The following HARS1 variants were observed in gnomAD, a reference collection of about 807,000 sequenced individuals.
HARS1 encodes the protein histidyl-tRNA synthetase 1, also known as histidine--tRNA ligase, cytoplasmic.
Under a neutral mutation model 63.6 loss-of-function variants are expected in HARS1, and 45 were observed. The observed-to-expected ratio is 0.71, with a 90% CI of 0.56 to 0.91. The LOEUF is 0.91. Among genes scored for constraint, HARS1 ranks in the 40% least tolerant of loss-of-function variants. The probability of loss-of-function intolerance (pLI) is 0.00; values close to 1 mark genes in which losing one functional copy is unlikely to be tolerated. For missense variants in HARS1, 508 were observed against 643.2 expected (o/e 0.79, Z 2.27); for synonymous variants, 205 against 247.1 (o/e 0.83, Z 1.60).
At chr5:140,680,242 G>T (rs999395493) in intron 3 of HARS1, among the ~76,000 whole-genome samples, 2 of 151,994 alleles carry the variant, frequency 1.3e-5, no homozygotes, top group South Asian at 4.2e-4. Flanking sequence ...TGACTCCGGG[G>T]TTCAAGAGAT....
rs771009808 is a variant in HARS1, at chr5:140,676,814, G to T, written c.1034C>A (p.Ala345Asp). 6 of 1,614,248 alleles carry T rather than the reference G, an allele frequency of 3.7e-6. No individual in the cohort carries two copies. Among genetic ancestry groups the T allele is most frequent in the Non-Finnish European group, 5.1e-6 (6 of 1,180,036 alleles). ...ACCCAGGGGCTCTTCCCCTGCCTGG[G>T]CTGGGGTCTGTAGCAGCACTGCCTC... The part of the protein sequence containing the change: ...IYEAVLLQTP[A>D]QAGEEPLGVG... Residue 345 changes from alanine to aspartate, a missense_variant, in exon 10 of 13, where the codon GCC becomes GAC. Coordinates refer to ENST00000504156, the MANE Select transcript of HARS1 (RefSeq NM_002109.6). The surrounding 1 kb of genome is among the most constrained non-coding windows in gnomAD (Gnocchi z 4.1).
rs1131034 is a variant in HARS1, at chr5:140,677,409, T to C, written c.741A>G (p.Glu247=). The change falls in exon 8 of 13, where the codon GAA becomes GAG. Residue 247 remains glutamate, a synonymous_variant. Coordinates refer to ENST00000504156, the MANE Select transcript of HARS1 (RefSeq NM_002109.6). ...SVDKLDKVSW[E]EVKNEMVGEK... ...CTCCCACCATCTCATTCTTCACCTC[T>C]TCCCAGGACACCTAGGCAGACAGAC... 6.2e-7 allele frequency: 1 copy of C among 1,613,070 alleles called. No individual in the cohort carries two copies. The highest frequency in any genetic ancestry group is 2.2e-5 in the East Asian group (1 of 44,852).
Position 140,691,046 on chromosome 5 carries a change from C to G in HARS1, c.91-102G>C, listed in dbSNP as rs576944136. The G allele has an allele frequency of 1.0e-5, 10 of 954,974 alleles. 1 individual carries two copies. The South Asian group carries it at 1.3e-4, about 13-fold the overall frequency. 59.2% of individuals were successfully genotyped at this position (954,974 alleles called of 1,614,324 possible). On this transcript the variant is annotated intron_variant, in intron 1 of 12. Coordinates refer to ENST00000504156, the MANE Select transcript of HARS1 (RefSeq NM_002109.6). ...CCTCATCACATCTCTCTGCTCAGGC[C>G]TAGCTTTGTTTCTCTCGGGACCCAC...
At chr5:140,683,017 A>T in intron 3 of HARS1, 83 bp downstream of exon 3, 2 of 1,310,270 alleles carry the variant, frequency 1.5e-6, no homozygotes, top group Non-Finnish European at 2.2e-6. Flanking sequence ...GGCCCTTTGG[A>T]CCCTCACTCT....
In HARS1 at chr5:140,676,567, A is replaced by G. The variant is rs762364227; in HGVS notation, c.1194+87T>C. Reference sequence around the variant, plus strand: ...TTTCTGTGAGATGCTCCCTGCCCAAAGCAGCACCACTTGCTCCCTTGGAGA... The same window carrying G: ...TTTCTGTGAGATGCTCCCTGCCCAAGGCAGCACCACTTGCTCCCTTGGAGA... On this transcript the variant is annotated intron_variant, in intron 10 of 12. Coordinates refer to ENST00000504156, the MANE Select transcript of HARS1 (RefSeq NM_002109.6). This position sits in a 1 kb window ranked among gnomAD's most constrained non-coding sequence, Gnocchi z 4.1. 3 of 1,394,452 alleles carry G rather than the reference A, an allele frequency of 2.2e-6. No individual in the cohort carries two copies. The highest frequency in any genetic ancestry group is 1.8e-4 in the Middle Eastern group (1 of 5,466). 86.4% of individuals were successfully genotyped at this position (1,394,452 alleles called of 1,614,324 possible). A position where few individuals can be genotyped will look rare whatever the true frequency, so the allele number is the denominator to read the frequency against.
In HARS1 at chr5:140,677,714, A is replaced by C. The variant is rs1276565685; in HGVS notation, c.670T>G (p.Cys224Gly). ...RRILDGMFAI[C>G]GVSDSKFRTI... Reference sequence around the variant, plus strand: ...CGGAACTTGCTGTCAGAAACACCACAGATAGCAAACATCCCATCTAGAATG... The same window carrying C: ...CGGAACTTGCTGTCAGAAACACCACCGATAGCAAACATCCCATCTAGAATG... Residue 224 changes from cysteine (C) to glycine (G), a missense_variant, in exon 7 of 13, where the codon TGT (cysteine) becomes GGT (glycine). By Grantham distance (159) the Cys-to-Gly change is radical. Around this residue, in one of 2 missense-constraint regions of HARS1, gnomAD observed 403 missense variants for 548.7 expected, o/e 0.73. Coordinates refer to ENST00000504156, the MANE Select transcript of HARS1 (RefSeq NM_002109.6). 6.2e-7 allele frequency: 1 copy of C among 1,611,848 alleles called. No homozygotes were observed. Among genetic ancestry groups the C allele is most frequent in the Non-Finnish European group, 8.5e-7 (1 of 1,179,324 alleles).
chr5:140,683,183 G>A lies in HARS1; in HGVS notation c.217C>T (p.Arg73Cys), dbSNP rs752549829. 4.3e-6 allele frequency: 7 copies of A among 1,613,528 alleles called. No individual in the cohort carries two copies. Among genetic ancestry groups the A allele is most frequent in the African/African-American group, 2.7e-5 (2 of 74,906 alleles). ...ATGATTACGTCAAACACCTTCTCGCGAACTGCCATCTGCCGGGGACTATAG... is the reference window on the plus strand; with the variant it reads ...ATGATTACGTCAAACACCTTCTCGCAAACTGCCATCTGCCGGGGACTATAG... ...RDYSPRQMAV[R>C]EKVFDVIIRC... Residue 73 changes from arginine (R) to cysteine (C), a missense_variant, in exon 3 of 13, where the codon CGC becomes TGC. By Grantham distance (180) the Arg-to-Cys change is radical (BLOSUM62 -3). This residue lies in a region of HARS1 where 105 missense variants were observed against 94.5 expected (regional missense o/e 1.11). Coordinates refer to ENST00000504156, the MANE Select transcript of HARS1 (RefSeq NM_002109.6).
At chr5:140,677,285 G>A in intron 8 of HARS1, 42 bp downstream of exon 8, 1 of 1,480,250 alleles carries the variant, frequency 6.8e-7, no homozygotes, top group South Asian at 1.1e-5. Flanking sequence ...AGGACTGAGG[G>A]CAGTGGGACG....
intron 3 of HARS1, among the ~76,000 whole-genome samples, chr5:140,681,886 A>G (rs1342195348): frequency 1.3e-5 from 2 of 152,250 alleles, no homozygotes; most frequent in Non-Finnish European, 2.9e-5. Flanking sequence ...TACAGTAGGT[A>G]AAAACAGTCT....
chr5:140,680,208 G>A (rs1581511491), intron 3 of HARS1, among the ~76,000 whole-genome samples: 1 of 151,216 alleles, frequency 6.6e-6, no homozygotes, highest in Admixed American at 6.6e-5. Context: ...GTGCAGTGGC[G>A]TGATCTCGGC....
chr5:140,677,258 A>G, intron 8 of HARS1, 69 bp downstream of exon 8: 1 of 1,409,416 alleles, frequency 7.1e-7, no homozygotes, highest in Non-Finnish European at 1.0e-6. Context: ...TACATAACAC[A>G]GAACAGTTTC....
At chr5:140,682,961 C>T in intron 3 of HARS1, 139 bp downstream of exon 3, 2 of 721,464 alleles carry the variant, frequency 2.8e-6, no homozygotes, top group Non-Finnish European at 2.3e-6. Context: ...ATTCTTGTCC[C>T]CCTTCTTATT....
At chr5:140,688,422 A>G (rs1759176409) in intron 2 of HARS1, among the ~76,000 whole-genome samples, 1 of 152,202 alleles carries the variant, frequency 6.6e-6, no homozygotes, top group Non-Finnish European at 1.5e-5. Flanking sequence ...TAAATCCCAG[A>G]CGTCATATCA....
At chr5:140,686,717 T>C (rs185440931) in intron 2 of HARS1, among the ~76,000 whole-genome samples, 67 of 152,020 alleles carry the variant, frequency 4.4e-4, no homozygotes, top group Admixed American at 8.5e-4. Flanking sequence ...TCTTGTGCCT[T>C]AGCTTCCCTA....
At chr5:140,686,992 G>A (rs1759078507) in intron 2 of HARS1, among the ~76,000 whole-genome samples, 1 of 152,266 alleles carries the variant, frequency 6.6e-6, no homozygotes, top group Admixed American at 6.5e-5. Flanking sequence ...GGCTCACTTC[G>A]TTTATTGTTG....
chr5:140,681,221 A>T (rs767268848), intron 3 of HARS1, among the ~76,000 whole-genome samples: 8 of 152,030 alleles, frequency 5.3e-5, no homozygotes, highest in Non-Finnish European at 1.0e-4. Flanking sequence ...TTAAGTCCTA[A>T]CTCCCAGTAA....
chr5:140,688,693 C>CA lies in HARS1; in HGVS notation c.180+2161dup, dbSNP rs931297384. ...ATCTACAATAGTTTCCTTCCCTCCCCAACTTTTTTTTTTTATTTTAAAAAG... is the reference window on the plus strand; with the variant it reads ...ATCTACAATAGTTTCCTTCCCTCCCCAAACTTTTTTTTTTTATTTTAAAAAG... On this transcript the variant is annotated intron_variant, in intron 2 of 12. Transcript: ENST00000504156. Among the ~76,000 whole-genome samples, 286 of 151,818 alleles carry CA rather than the reference C, an allele frequency of 1.9e-3. 1 individual carries two copies. The highest frequency in any genetic ancestry group is 6.5e-3 in the African/African-American group (267 of 41,250).
chr5:140,682,104 C>T (rs1221532046), intron 3 of HARS1, among the ~76,000 whole-genome samples: 4 of 152,030 alleles, frequency 2.6e-5, no homozygotes, highest in African/African-American at 7.2e-5. Context: ...GCTGGCTGGA[C>T]GTGGTGGCTC....
chr5:140,684,316 CA>C, intron 2 of HARS1: 1 of 974,894 alleles, frequency 1.0e-6, no homozygotes, highest in Non-Finnish European at 1.2e-6. Flanking sequence ...AAAACAAACC[CA>C]ACCAAACAAA....
Sources: gnomAD v4.1 joint callset for allele counts (sites outside exome capture counted in the v4.1 genomes callset) on GRCh38, gnomAD v4.1.1 for gene constraint, gnomAD v4.1.1 regional missense constraint, Gnocchi (gnomAD v3.1) non-coding constraint, MANE v1.5 for transcripts, NCBI Gene and HGNC (gene_info 2026-07-23, HGNC 2026-07-21) for gene names.